EIF4B: variants seen among roughly 807,000 people sequenced by gnomAD.
EIF4B encodes eukaryotic translation initiation factor 4B.
Under a neutral mutation model 79.3 loss-of-function variants are expected in EIF4B, and 8 were observed. The observed-to-expected ratio is 0.10, with a 90% CI of 0.06 to 0.18. The LOEUF (loss-of-function observed/expected upper bound fraction) is 0.18. Among genes scored for constraint, EIF4B ranks in the 10% least tolerant of loss-of-function variants. EIF4B has a pLI of 1.00. For synonymous variants in EIF4B, 238 were observed against 274.7 expected (o/e 0.87, Z 1.32); for missense variants, 515 against 792.4 (o/e 0.65, Z 4.20).
chr12:53,034,174 A>G (rs909755722), intron 9 of EIF4B, 140 bp downstream of exon 9: 5 of 803,080 alleles, frequency 6.2e-6, no homozygotes, highest in African/African-American at 5.2e-5. Flanking sequence ...GGCTGTGGCC[A>G]GGGGTGTTAG....
chr12:53,019,862 A>G, intron 3 of EIF4B, 48 bp from the exon 4 acceptor site: 1 of 1,574,498 alleles, frequency 6.4e-7, no homozygotes. Context: ...AAAATGACAA[A>G]TGAAGAAGAA....
chr12:53,006,594 G>C, intron 1 of EIF4B, 98 bp downstream of exon 1: 4 of 1,600,250 alleles, frequency 2.5e-6, no homozygotes, highest in Non-Finnish European at 3.4e-6. Context: ...GCTGGCACTG[G>C]TTCCTTTCTG....
At position 53,040,125 on chromosome 12, in the gene EIF4B, ACT is replaced by A. The variant is rs779836517; in HGVS notation, c.1756-14_1756-13del. 2.5e-6 allele frequency: 4 copies of A among 1,613,258 alleles called. No individual in the cohort carries two copies. Among genetic ancestry groups the A allele is most frequent in the Admixed American group, 1.7e-5 (1 of 59,954 alleles). On this transcript the variant is annotated splice_polypyrimidine_tract_variant and intron_variant, in intron 14 of 14. Coordinates refer to ENST00000262056, the MANE Select transcript of EIF4B (RefSeq NM_001417.7). ...AATTCAGGGCCTTCATTATCCTGTCACTCTCGTTGTGTTACAGAAGTTCAGTT... is the reference window on the plus strand; with the variant it reads ...AATTCAGGGCCTTCATTATCCTGTCACTCGTTGTGTTACAGAAGTTCAGTT...
chr12:53,021,533 C>G (rs1274873939), intron 4 of EIF4B, among the ~76,000 whole-genome samples: 2 of 152,108 alleles, frequency 1.3e-5, no homozygotes, highest in African/African-American at 4.8e-5. Context: ...GACAAATTAC[C>G]TTGGATAGTT....
Position 53,040,570 on chromosome 12 carries a change from G to T in EIF4B, c.*347G>T, listed in dbSNP as rs1173377387. 5 of 171,024 alleles carry T rather than the reference G, an allele frequency of 2.9e-5. No homozygotes were observed. In the Admixed American group the frequency reaches 3.0e-4, roughly 10 times the overall value. The allele number at this position is 171,024 out of a possible 1,614,324, so 10.6% of individuals were successfully genotyped here. A position where few individuals can be genotyped will look rare whatever the true frequency, so the allele number is the denominator to read the frequency against. ...ACAGTGATATAATGCCTGGAACCTG[G>T]TTGGGCAGTAGGGGAGGGAGGTAGA... On this transcript the variant is annotated 3_prime_UTR_variant, in exon 15 of 15. Coordinates refer to ENST00000262056, the MANE Select transcript of EIF4B (RefSeq NM_001417.7).
chr12:53,030,413 C>CTTT (rs759061266), intron 8 of EIF4B, among the ~76,000 whole-genome samples: 4,359 of 42,882 alleles, frequency 0.1, 1,625 homozygotes, highest in Non-Finnish European at 0.21. Flanking sequence ...AAATTATATT[C>CTTT]TTTTTTTTTT....
chr12:53,038,748 C>T (rs1248484794), intron 12 of EIF4B: 4 of 164,234 alleles, frequency 2.4e-5, no homozygotes, highest in East Asian at 1.7e-4. Context: ...ACCCGGGAGA[C>T]GGAGGTTGCA....
intron 6 of EIF4B, among the ~76,000 whole-genome samples, chr12:53,026,432 CAT>C (rs1158287520): frequency 2.0e-5 from 3 of 152,050 alleles, no homozygotes; most frequent in Admixed American, 2.0e-4. Context: ...TAGTTTATAA[CAT>C]AAACAACATT....
chr12:53,037,780 A>AG, intron 11 of EIF4B, 158 bp downstream of exon 11: 1 of 775,468 alleles, frequency 1.3e-6, no homozygotes, highest in Non-Finnish European at 2.1e-6. Flanking sequence ...CATAAGACCT[A>AG]GTTGTTCCAT....
At chr12:53,012,844 G>T (rs1943088409) in intron 1 of EIF4B, among the ~76,000 whole-genome samples, 1 of 152,024 alleles carries the variant, frequency 6.6e-6, no homozygotes, top group African/African-American at 2.4e-5. Flanking sequence ...CTGACCTCGT[G>T]ATCCACCCGC....
intron 1 of EIF4B, 135 bp downstream of exon 1, chr12:53,006,631 C>G (rs931305783): frequency 4.0e-6 from 6 of 1,505,044 alleles, no homozygotes; most frequent in Admixed American, 1.8e-5. Context: ...AGGCTGGCGG[C>G]GTGGCCCTGT....
intron 1 of EIF4B, among the ~76,000 whole-genome samples, chr12:53,007,056 C>T (rs1360500026): frequency 6.6e-6 from 1 of 152,176 alleles, no homozygotes; most frequent in South Asian, 2.1e-4. Context: ...GACGGGCGCG[C>T]CTTCAATGCG....
At chr12:53,009,970 A>G (rs1210528579) in intron 1 of EIF4B, among the ~76,000 whole-genome samples, 1 of 152,218 alleles carries the variant, frequency 6.6e-6, no homozygotes, top group Non-Finnish European at 1.5e-5. Flanking sequence ...ATTATTTGTA[A>G]TTAGGTTTGC....
At chr12:53,010,583 T>G (rs1943048015) in intron 1 of EIF4B, among the ~76,000 whole-genome samples, 1 of 152,084 alleles carries the variant, frequency 6.6e-6, no homozygotes, top group Non-Finnish European at 1.5e-5. Flanking sequence ...TCGATTGTGT[T>G]TATGCAATGT....
chr12:53,025,356 T>C (rs1188022031), intron 6 of EIF4B: 4 of 413,168 alleles, frequency 9.7e-6, no homozygotes, highest in Admixed American at 2.9e-5. Context: ...GTGAGTGTGC[T>C]GTTGTTATCC....
At chr12:53,007,781 A>G (rs1418582971) in intron 1 of EIF4B, among the ~76,000 whole-genome samples, 2 of 152,222 alleles carry the variant, frequency 1.3e-5, no homozygotes, top group East Asian at 3.8e-4. Flanking sequence ...ATGTTGAGAA[A>G]TTTGAGGTGC....
intron 11 of EIF4B, 109 bp downstream of exon 11, chr12:53,037,731 T>C (rs1414269538): frequency 8.4e-7 from 1 of 1,187,986 alleles, no homozygotes; most frequent in Non-Finnish European, 1.2e-6. Context: ...ACCTTATAAG[T>C]TATGCTGGCT....
At chr12:53,012,998 T>C (rs977523250) in intron 1 of EIF4B, among the ~76,000 whole-genome samples, 2 of 152,204 alleles carry the variant, frequency 1.3e-5, no homozygotes, top group Non-Finnish European at 2.9e-5. Flanking sequence ...TTAAAAGTGC[T>C]TTTAATATTT....
intron 1 of EIF4B, among the ~76,000 whole-genome samples, chr12:53,009,464 C>T (rs1414701420): frequency 6.6e-6 from 1 of 150,604 alleles, no homozygotes; most frequent in Non-Finnish European, 1.5e-5. Context: ...CACTGCCCTC[C>T]GGCCTGGGCG....
Sources: gnomAD v4.1 joint callset for allele counts (sites outside exome capture counted in the v4.1 genomes callset) on GRCh38, gnomAD v4.1.1 for gene constraint, MANE v1.5 for transcripts, NCBI Gene and HGNC (gene_info 2026-07-23, HGNC 2026-07-21) for gene names.